Variants in CDH12 observed in about 807,000 individuals in gnomAD.
CDH12 encodes the protein cadherin-12.
CDH12 carries 41 observed loss-of-function variants against 74.1 expected under a neutral mutation model. The ratio of observed to expected loss-of-function variants is 0.55; its 90% CI spans 0.43 to 0.72. The LOEUF is 0.72. CDH12 is among the 30% of genes least tolerant of loss of function. The pLI is 0.00. For missense variants in CDH12, 945 were observed against 977.2 expected (o/e 0.97, Z 0.44); for synonymous variants, 399 against 355.0 (o/e 1.12, Z -1.39).
chr5:22,012,891 A>G (rs550950151), intron 5 of CDH12, among the ~76,000 whole-genome samples: 53 of 143,558 alleles, frequency 3.7e-4, no homozygotes, highest in East Asian at 2.6e-3. Context: ...TTATTTAAAC[A>G]TTATTTACTA....
chr5:22,146,627 C>A (rs1747202288), intron 4 of CDH12, among the ~76,000 whole-genome samples: 1 of 152,024 alleles, frequency 6.6e-6, no homozygotes, highest in Non-Finnish European at 1.5e-5. Context: ...ACCTAGAAAA[C>A]AAATCATTTA....
intron 5 of CDH12, among the ~76,000 whole-genome samples, chr5:22,048,499 C>T (rs1342726382): frequency 6.6e-6 from 1 of 152,040 alleles, no homozygotes; most frequent in Non-Finnish European, 1.5e-5. Flanking sequence ...GGTAAAGATG[C>T]TAAATATCTT....
intron 2 of CDH12, among the ~76,000 whole-genome samples, chr5:22,443,483 G>C (rs1240337324): frequency 6.6e-6 from 1 of 152,000 alleles, no homozygotes; most frequent in Admixed American, 6.6e-5. Context: ...CAATTGGGTG[G>C]TATATTGGCA....
intron 5 of CDH12, among the ~76,000 whole-genome samples, chr5:22,052,062 G>A (rs1740409268): frequency 6.6e-6 from 1 of 152,050 alleles, no homozygotes; most frequent in South Asian, 2.1e-4. Context: ...TTAAACATGT[G>A]GGTCACAGTT....
intron 1 of CDH12, among the ~76,000 whole-genome samples, chr5:22,691,724 T>A (rs1019113203): frequency 6.6e-6 from 1 of 152,158 alleles, no homozygotes; most frequent in Non-Finnish European, 1.5e-5. Context: ...GAAGCATCAC[T>A]TTCCCTGACT....
intron 3 of CDH12, among the ~76,000 whole-genome samples, chr5:22,238,387 G>A (rs1324032141): frequency 4.6e-5 from 7 of 151,980 alleles, no homozygotes. Context: ...AATTCAAATG[G>A]ATAAGAACTC....
At chr5:21,850,151 G>C (rs1369840472) in intron 7 of CDH12, among the ~76,000 whole-genome samples, 1 of 151,536 alleles carries the variant, frequency 6.6e-6, no homozygotes, top group Non-Finnish European at 1.5e-5. Context: ...CAGGGTATGG[G>C]AGAGAAAATG....
intron 1 of CDH12, among the ~76,000 whole-genome samples, chr5:22,546,096 C>G (rs1361904821): frequency 2.0e-5 from 3 of 152,060 alleles, no homozygotes. Flanking sequence ...AGGTGCCCAC[C>G]ACCACGCCTG....
At chr5:22,339,027 A>G (rs1282267381) in intron 3 of CDH12, among the ~76,000 whole-genome samples, 1 of 152,200 alleles carries the variant, frequency 6.6e-6, no homozygotes, top group African/African-American at 2.4e-5. Flanking sequence ...GAGTTCTATA[A>G]AGAACAAAGT....
intron 4 of CDH12, among the ~76,000 whole-genome samples, chr5:22,190,197 G>A (rs1256998035): frequency 1.3e-5 from 2 of 152,254 alleles, no homozygotes; most frequent in African/African-American, 2.4e-5. Flanking sequence ...AGTATTAAAA[G>A]CAAAGCATTA....
intron 5 of CDH12, among the ~76,000 whole-genome samples, chr5:22,009,939 C>CAAAAAAAAAAAAAAAAAAAA (rs774589642): frequency 5.0e-4 from 27 of 54,218 alleles, no homozygotes; most frequent in African/African-American, 9.5e-4. Flanking sequence ...GAAACTGTCT[C>CAAAAAAAAAAAAAAAAAAAA]AAAAAAAAAA....
intron 5 of CDH12, among the ~76,000 whole-genome samples, chr5:21,976,480 C>A (rs565108203): frequency 6.7e-6 from 1 of 150,202 alleles, no homozygotes; most frequent in African/African-American, 2.4e-5. Flanking sequence ...TAAAATAGTG[C>A]ATCATATATA....
At chr5:22,038,602 T>A (rs560864562) in intron 5 of CDH12, among the ~76,000 whole-genome samples, 2 of 152,330 alleles carry the variant, frequency 1.3e-5, no homozygotes, top group African/African-American at 4.8e-5. Context: ...AATGGTTGTT[T>A]GCCAAAGTCA....
At chr5:22,594,490 ATC>A (rs1736501188) in intron 1 of CDH12, among the ~76,000 whole-genome samples, 1 of 152,018 alleles carries the variant, frequency 6.6e-6, no homozygotes, top group Admixed American at 6.6e-5. Context: ...ACCTCCCTAT[ATC>A]CTTCCTTTGC....
chr5:21,879,500 A>G (rs1341987594), intron 6 of CDH12, among the ~76,000 whole-genome samples: 1 of 152,202 alleles, frequency 6.6e-6, no homozygotes, highest in African/African-American at 2.4e-5. Flanking sequence ...TTGATGACAA[A>G]AGTTGAATTA....
intron 2 of CDH12, among the ~76,000 whole-genome samples, chr5:22,501,336 G>A (rs1344952948): frequency 6.6e-6 from 1 of 152,118 alleles, no homozygotes; most frequent in African/African-American, 2.4e-5. Flanking sequence ...ATGGAAGACT[G>A]GGATACCTTT....
chr5:21,948,569 C>A (rs1203944573), intron 6 of CDH12, among the ~76,000 whole-genome samples: 2 of 151,990 alleles, frequency 1.3e-5, no homozygotes, highest in African/African-American at 4.8e-5. Context: ...TAGGCCAAAA[C>A]GTCTTGCCTT....
At chr5:21,876,325 C>G (rs868511187) in intron 6 of CDH12, among the ~76,000 whole-genome samples, 4 of 152,162 alleles carry the variant, frequency 2.6e-5, no homozygotes, top group African/African-American at 9.7e-5. Flanking sequence ...TTTACAGACT[C>G]TTTTTCCTCT....
intron 1 of CDH12, among the ~76,000 whole-genome samples, chr5:22,727,580 A>G (rs1561606588): frequency 6.6e-6 from 1 of 151,662 alleles, no homozygotes; most frequent in South Asian, 2.1e-4. Context: ...TCACTTCTAG[A>G]TCTTTGCAAT....
Sources: allele counts gnomAD v4.1 joint callset (sites outside exome capture counted in the v4.1 genomes callset), GRCh38; gene constraint gnomAD v4.1.1; transcripts MANE v1.5; gene names NCBI Gene and HGNC (gene_info 2026-07-23, HGNC 2026-07-21).